Variants in NBAS observed in about 807,000 individuals in gnomAD.
NBAS encodes NBAS subunit of NRZ tethering complex.
Under a neutral mutation model 302.5 loss-of-function variants are expected in NBAS, and 219 were observed. The ratio of observed to expected loss-of-function variants is 0.72; its 90% confidence interval spans 0.65 to 0.81. The LOEUF is 0.81. Ranked by LOEUF, NBAS falls within the 30% of genes least tolerant of loss-of-function variation. NBAS has a pLI of 0.00. For synonymous variants in NBAS, 1,118 were observed against 1,021.6 expected (o/e 1.09, Z -1.80); for missense variants, 2,932 against 2,841.6 (o/e 1.03, Z -0.72).
chr2:15,182,516 CAT>C (rs1232082065), intron 50 of NBAS, among the ~76,000 whole-genome samples: 1 of 152,184 alleles, frequency 6.6e-6, no homozygotes, highest in Non-Finnish European at 1.5e-5. Flanking sequence ...AAGGCTCACT[CAT>C]GAGCTGGGTG....
At chr2:14,863,679 G>A in the NBAS span, among the ~76,000 whole-genome samples, 1 of 152,222 alleles carries the variant, frequency 6.6e-6, no homozygotes, top group Non-Finnish European at 1.5e-5. Context: ...TTCCGGCTCA[G>A]AGGCCTGACA....
chr2:15,414,487 T>C (rs1019577473), intron 25 of NBAS, among the ~76,000 whole-genome samples: 1 of 152,176 alleles, frequency 6.6e-6, no homozygotes, highest in Non-Finnish European at 1.5e-5. Context: ...AAACAGTATA[T>C]TTGATCTATG....
chr2:15,281,146 G>A (rs955761580), intron 42 of NBAS, among the ~76,000 whole-genome samples: 5 of 152,182 alleles, frequency 3.3e-5, no homozygotes, highest in Non-Finnish European at 5.9e-5. Context: ...TTTATGGAAT[G>A]TTTTATGACA....
At chr2:15,377,964 A>G (rs1463881273) in intron 30 of NBAS, among the ~76,000 whole-genome samples, 1 of 152,228 alleles carries the variant, frequency 6.6e-6, no homozygotes. Flanking sequence ...AATCTCTTAT[A>G]GACTGTTAAC....
intron 49 of NBAS, 118 bp downstream of exon 49, chr2:15,190,146 C>G (rs1665279043): frequency 1.7e-6 from 2 of 1,169,238 alleles, no homozygotes; most frequent in African/African-American, 1.5e-5. Flanking sequence ...AAGGCAAATA[C>G]TGACTACGCA....
the NBAS span, among the ~76,000 whole-genome samples, chr2:15,023,654 C>T: frequency 3.5e-5 from 3 of 86,206 alleles, 1 homozygote; most frequent in South Asian, 1.2e-3. Context: ...TAGTGATTTT[C>T]ATCTATTTCC....
the NBAS span, among the ~76,000 whole-genome samples, chr2:14,788,904 C>A: frequency 6.6e-6 from 1 of 152,240 alleles, no homozygotes; most frequent in African/African-American, 2.4e-5. Flanking sequence ...TTACTGCTGT[C>A]TTTTTGTTTG....
At chr2:15,031,019 A>G in the NBAS span, among the ~76,000 whole-genome samples, 1 of 152,238 alleles carries the variant, frequency 6.6e-6, no homozygotes, top group Admixed American at 6.5e-5. Context: ...CTAGTTGTGA[A>G]TCACAGATTG....
chr2:15,303,742 T>C (rs930199622), intron 40 of NBAS, among the ~76,000 whole-genome samples: 2 of 152,202 alleles, frequency 1.3e-5, no homozygotes, highest in African/African-American at 2.4e-5. Context: ...AAGAAAGATA[T>C]AAGTTGTACT....
intron 19 of NBAS, among the ~76,000 whole-genome samples, chr2:15,466,929 C>G (rs1241371715): frequency 2.8e-5 from 3 of 106,500 alleles, no homozygotes; most frequent in Non-Finnish European, 6.2e-5. Flanking sequence ...AGAGTGAGAT[C>G]CTATCTCAAA....
the NBAS span, among the ~76,000 whole-genome samples, chr2:14,908,391 G>T: frequency 1.3e-5 from 2 of 152,152 alleles, no homozygotes; most frequent in African/African-American, 4.8e-5. Flanking sequence ...AAATAATAAA[G>T]TATAGGAATG....
At chr2:15,145,095 A>G in the NBAS span, among the ~76,000 whole-genome samples, 1 of 152,108 alleles carries the variant, frequency 6.6e-6, no homozygotes, top group African/African-American at 2.4e-5. Context: ...TTAGATAGAA[A>G]GCAGTCTCCA....
chr2:14,954,760 A>G, the NBAS span, among the ~76,000 whole-genome samples: 1 of 152,168 alleles, frequency 6.6e-6, no homozygotes, highest in Non-Finnish European at 1.5e-5. Flanking sequence ...GAACTCACTC[A>G]CTATCACGAG....
rs868015227 is a variant in NBAS at position 15,204,870 on chromosome 2, G to T, written c.6432+13903C>A. On this transcript the variant is annotated intron_variant, in intron 48 of 51. Coordinates refer to ENST00000281513, the MANE Select transcript of NBAS (RefSeq NM_015909.4). ...ACTGGGGCCTGTCATGCAGTTGGGGGAAGGGGGAGGGATAGCATTAGGAGA... is the reference window on the plus strand; with the variant it reads ...ACTGGGGCCTGTCATGCAGTTGGGGTAAGGGGGAGGGATAGCATTAGGAGA... Among the ~76,000 whole-genome samples, 66 of 152,274 alleles carry T rather than the reference G, an allele frequency of 4.3e-4. No homozygotes were observed. The Middle Eastern group carries it at 0.01, about 24-fold the overall frequency.
chr2:15,128,254 T>C, the NBAS span, among the ~76,000 whole-genome samples: 1 of 152,302 alleles, frequency 6.6e-6, no homozygotes, highest in East Asian at 1.9e-4. Flanking sequence ...AATGCTAATA[T>C]CCTTACTTTT....
intron 19 of NBAS, among the ~76,000 whole-genome samples, chr2:15,464,506 T>C (rs897426961): frequency 4.6e-5 from 7 of 152,106 alleles, no homozygotes; most frequent in Admixed American, 4.6e-4. Flanking sequence ...ACTTCTATAA[T>C]CATGCAAGTA....
At position 15,468,410 on chromosome 2, in the gene NBAS, C is replaced by T. The variant is rs764102523; in HGVS notation, c.1849G>A (p.Ala617Thr). Residue 617 changes from alanine to threonine, a missense_variant, in exon 17 of 52, where the codon GCA (alanine) becomes ACA (threonine). Ala to Thr is a moderately conservative substitution (Grantham distance 58). Transcript: ENST00000281513. ...CCATCATCTGCTCCTTTCCCTATTG[C>T]TAAAAGAGCCTCCAGGTCTGTGCCT... ...LKGTDLEALLAIGKGADDGRF... is the reference protein window; with the variant it reads ...LKGTDLEALLTIGKGADDGRF... The T allele has an allele frequency of 6.2e-7, 1 of 1,614,076 alleles. No homozygotes were observed. The highest frequency in any genetic ancestry group is 1.1e-5 in the South Asian group (1 of 91,082).
At chr2:15,431,249 T>C (rs1370106515) in intron 21 of NBAS, among the ~76,000 whole-genome samples, 1 of 152,234 alleles carries the variant, frequency 6.6e-6, no homozygotes, top group African/African-American at 2.4e-5. Context: ...CTATGGAATA[T>C]GGTTTAATCT....
chr2:15,366,704 A>G lies in NBAS; in HGVS notation c.3704-11T>C. 4 of 1,611,608 alleles carry G rather than the reference A, an allele frequency of 2.5e-6. No homozygotes were observed. Among genetic ancestry groups the G allele is most frequent in the Non-Finnish European group, 3.4e-6 (4 of 1,177,758 alleles). ...CAGGGCACAATCGCACTACAAAAGA[A>G]AGACGTATTAAAGACTTGGACCAGG... is the stretch of plus-strand genomic sequence containing the variant. On this transcript the variant is annotated splice_polypyrimidine_tract_variant and intron_variant, in intron 31 of 51. Transcript: ENST00000281513.
Sources: gnomAD v4.1 joint callset for allele counts (sites outside exome capture counted in the v4.1 genomes callset) on GRCh38, gnomAD v4.1.1 for gene constraint, MANE v1.5 for transcripts, NCBI Gene and HGNC (gene_info 2026-07-23, HGNC 2026-07-21) for gene names.